Variants in MTF1 observed in about 807,000 individuals in gnomAD.
The protein encoded by MTF1 is metal regulatory transcription factor 1.
A neutral mutation model predicts 70.4 loss-of-function variants in MTF1; 22 were observed. That is an observed-to-expected ratio of 0.31 (90% CI 0.22 to 0.45). The LOEUF (loss-of-function observed/expected upper bound fraction) is 0.45, where lower values mean the gene tolerates loss of function less well. Among genes scored for constraint, MTF1 ranks in the 20% least tolerant of loss-of-function variants. The pLI, the probability that MTF1 is intolerant of heterozygous loss-of-function variation, is 1.00. For missense variants in MTF1, 649 were observed against 922.0 expected, an observed-to-expected ratio of 0.70 and a Z score of 3.83; for synonymous variants, 333 against 352.8, an observed-to-expected ratio of 0.94 and a Z score of 0.63.
chr1:37,849,626 C>G lies in MTF1; in HGVS notation c.408+7625G>C, dbSNP rs142844767. Among the ~76,000 whole-genome samples, 248 of 152,204 alleles carry G rather than the reference C, an allele frequency of 1.6e-3. 2 individuals carry two copies. Among genetic ancestry groups the G allele is most frequent in the African/African-American group, 5.7e-3 (237 of 41,530 alleles). Reference sequence around the variant, plus strand: ...TAGCCATGGAGGATACATCACGTCACCAATGTAGTGCAGACAGAGGTAGAT... The same window carrying G: ...TAGCCATGGAGGATACATCACGTCAGCAATGTAGTGCAGACAGAGGTAGAT... On this transcript the variant is annotated intron_variant, in intron 2 of 10. Transcript: ENST00000373036.
At chr1:37,817,389 T>C (rs202180638) in intron 10 of MTF1, 30 bp downstream of exon 10, 2 of 1,478,536 alleles carry the variant, frequency 1.4e-6, no homozygotes, top group Non-Finnish European at 1.9e-6. Context: ...CAGAGTTGCC[T>C]TCTCTTAAGG....
rs1641236779 is a variant in MTF1 at position 37,840,330 on chromosome 1, A to G, written c.409-172T>C. On this transcript the variant is annotated intron_variant, in intron 2 of 10. Coordinates refer to ENST00000373036, the MANE Select transcript of MTF1 (RefSeq NM_005955.3). This position sits in a 1 kb window ranked among gnomAD's most constrained non-coding sequence, Gnocchi z 4.5. ...GTGGAAAAACCTTATTGTTGATCAA[A>G]TCATACCTGGACAACACATAATGAT... is the stretch of plus-strand genomic sequence containing the variant. 6.6e-6 allele frequency among the ~76,000 whole-genome samples: 1 copy of G among 152,258 alleles called. No homozygotes were observed. The highest frequency in any genetic ancestry group is 2.4e-5 in the African/African-American group (1 of 41,466).
Position 37,840,214 on chromosome 1 carries a change from T to TC in MTF1, c.409-57dup. On this transcript the variant is annotated intron_variant, in intron 2 of 10. Coordinates refer to ENST00000373036, the MANE Select transcript of MTF1 (RefSeq NM_005955.3). The surrounding 1 kb of genome is among the most constrained non-coding windows in gnomAD (Gnocchi z 4.5). ...ACAAAAATGCTGCCCAGGGCTTAAC[T>TC]CCCCCACCCAGAGCTCAGCTCCCAA... The TC allele has an allele frequency of 6.7e-7, 1 of 1,499,982 alleles. No homozygotes were observed. Among genetic ancestry groups the TC allele is most frequent in the Non-Finnish European group, 9.3e-7 (1 of 1,079,886 alleles). The allele number at this position is 1,499,982 out of a possible 1,614,324, so 92.9% of individuals were successfully genotyped here.
At chr1:37,821,969 C>T in intron 9 of MTF1, 152 bp downstream of exon 9, 1 of 653,250 alleles carries the variant, frequency 1.5e-6, no homozygotes, top group Non-Finnish European at 2.6e-6. Flanking sequence ...ACGTTTATAC[C>T]ACTTGATTAT....
intron 2 of MTF1, among the ~76,000 whole-genome samples, chr1:37,849,413 A>G (rs1641380841): frequency 1.3e-5 from 2 of 151,602 alleles, no homozygotes; most frequent in African/African-American, 4.9e-5. Context: ...GCAACAGAGC[A>G]AGCCTTCACC....
chr1:37,840,551 C>T lies in MTF1; in HGVS notation c.409-393G>A. ...CAGAACTACAACTTGATTGGAATTA[C>T]CAATATTAAATTGAGTTTAAAACAT... On this transcript the variant is annotated intron_variant, in intron 2 of 10. Transcript: ENST00000373036. The surrounding 1 kb of genome is among the most constrained non-coding windows in gnomAD (Gnocchi z 4.5). 1 of 452,574 alleles carries T rather than the reference C, an allele frequency of 2.2e-6. No homozygotes were observed. Among genetic ancestry groups the T allele is most frequent in the Non-Finnish European group, 4.4e-6 (1 of 227,740 alleles). 28.0% of individuals were successfully genotyped at this position (452,574 alleles called of 1,614,324 possible).
intron 9 of MTF1, 69 bp from the exon 10 acceptor site, chr1:37,817,551 T>C: frequency 9.7e-7 from 1 of 1,027,566 alleles, no homozygotes; most frequent in Non-Finnish European, 1.5e-6. Flanking sequence ...ACCTGAAGCC[T>C]CACCAACTGT....
chr1:37,823,090 T>C (rs756676224), intron 8 of MTF1, among the ~76,000 whole-genome samples: 1 of 152,146 alleles, frequency 6.6e-6, no homozygotes, highest in Non-Finnish European at 1.5e-5. Flanking sequence ...CAGCTGAAGT[T>C]TGTGGATTTG....
chr1:37,848,955 T>C (rs1269488016), intron 2 of MTF1, among the ~76,000 whole-genome samples: 1 of 152,208 alleles, frequency 6.6e-6, no homozygotes, highest in Non-Finnish European at 1.5e-5. Context: ...AGATTGGAAC[T>C]AGGTCTCCCA....
chr1:37,822,138 G>C lies in MTF1; in HGVS notation c.1750C>G (p.Gln584Glu). 1.2e-6 allele frequency: 2 copies of C among 1,602,416 alleles called. No homozygotes were observed. The highest frequency in any genetic ancestry group is 1.7e-6 in the Non-Finnish European group (2 of 1,172,684). Reference sequence around the variant, plus strand: ...ATACTTACAATTTGTTCTTGGTTTTGTGGAGAACTGGTGGCACCATTTAAT... The same window carrying C: ...ATACTTACAATTTGTTCTTGGTTTTCTGGAGAACTGGTGGCACCATTTAAT... ...WILNGATSSP[Q>E]NQEQIQQASK... The change falls in exon 9 of 11, where the codon CAA (glutamine) becomes GAA (glutamate). Residue 584 changes from glutamine to glutamate, a missense_variant. By Grantham distance (29) the Gln-to-Glu change is conservative (BLOSUM62 2). This residue lies in a region of MTF1 where 39 missense variants were observed against 97.8 expected (regional missense o/e 0.40). Transcript: ENST00000373036.
At position 37,857,398 on chromosome 1, in the gene MTF1, T is replaced by C. The variant is rs145100056; in HGVS notation, c.261A>G (p.Glu87=). Residue 87 remains glutamate (E), a synonymous_variant, in exon 2 of 11, where the codon GAA becomes GAG. Coordinates refer to ENST00000373036, the MANE Select transcript of MTF1 (RefSeq NM_005955.3). ...GCTGCACATAACCCTGGGACATTGCTTCATGATCTATCAGGTGAAAGCCCT... is the reference window on the plus strand; with the variant it reads ...GCTGCACATAACCCTGGGACATTGCCTCATGATCTATCAGGTGAAAGCCCT... ...GEEGFHLIDH[E]AMSQGYVQHI... is the part of the protein sequence containing the mutation. 110 of 1,614,090 alleles carry C rather than the reference T, an allele frequency of 6.8e-5. No homozygotes were observed. Among genetic ancestry groups the C allele is most frequent in the Non-Finnish European group, 9.0e-5 (106 of 1,180,054 alleles).
At chr1:37,818,383 G>A (rs1640852457) in intron 9 of MTF1, among the ~76,000 whole-genome samples, 1 of 152,170 alleles carries the variant, frequency 6.6e-6, no homozygotes, top group South Asian at 2.1e-4. Context: ...TTCAAGGCCA[G>A]CCCAGCCTGG....
At chr1:37,830,350 G>C (rs771721779) in intron 7 of MTF1, among the ~76,000 whole-genome samples, 11 of 152,090 alleles carry the variant, frequency 7.2e-5, no homozygotes, top group Non-Finnish European at 1.3e-4. Context: ...GCCCCATCCA[G>C]TGAATTATTT....
Position 37,840,255 on chromosome 1 carries a change from A to C in MTF1, c.409-97T>G. On this transcript the variant is annotated intron_variant, in intron 2 of 10. Transcript: ENST00000373036. The surrounding 1 kb of genome is among the most constrained non-coding windows in gnomAD (Gnocchi z 4.5). ...CAGCTCCCAAGAGATGCTGTGGACAATACAACTGGGTTTTCATCATAAACA... is the reference window on the plus strand; with the variant it reads ...CAGCTCCCAAGAGATGCTGTGGACACTACAACTGGGTTTTCATCATAAACA... 9.1e-7 allele frequency: 1 copy of C among 1,094,238 alleles called. No individual in the cohort carries two copies. The highest frequency in any genetic ancestry group is 2.0e-5 in the Admixed American group (1 of 49,202). 67.8% of individuals were successfully genotyped at this position (1,094,238 alleles called of 1,614,324 possible).
intron 2 of MTF1, among the ~76,000 whole-genome samples, chr1:37,842,616 A>G (rs1317311300): frequency 6.6e-6 from 1 of 152,156 alleles, no homozygotes; most frequent in East Asian, 1.9e-4. Context: ...GGGATTCCCA[A>G]TTTTGTCTCT....
intron 2 of MTF1, among the ~76,000 whole-genome samples, chr1:37,844,026 G>C (rs149078955): frequency 3.0e-4 from 45 of 152,304 alleles, no homozygotes; most frequent in Middle Eastern, 3.4e-3. Flanking sequence ...ACTAATCCAG[G>C]CATTCTTCTC....
At chr1:37,820,911 G>A (rs1640899580) in intron 9 of MTF1, among the ~76,000 whole-genome samples, 11 of 152,212 alleles carry the variant, frequency 7.2e-5, no homozygotes, top group Admixed American at 7.2e-4. Flanking sequence ...GGGCATGATG[G>A]CTCACGCCTA....
intron 2 of MTF1, among the ~76,000 whole-genome samples, chr1:37,842,058 A>T (rs576923900): frequency 1.3e-5 from 2 of 152,230 alleles, no homozygotes; most frequent in Non-Finnish European, 2.9e-5. Context: ...GGGGGAAAAA[A>T]AACTAGATAA....
In MTF1 at chr1:37,840,073, C is replaced by A; in HGVS notation, c.494G>T (p.Arg165Leu). Residue 165 changes from arginine (R) to leucine (L), a missense_variant, in exon 3 of 11, where the codon CGA becomes CTA. Around this residue, in one of 7 missense-constraint regions of MTF1, gnomAD observed 118 missense variants for 287.2 expected, o/e 0.41. Coordinates refer to ENST00000373036, the MANE Select transcript of MTF1 (RefSeq NM_005955.3). The surrounding 1 kb of genome is among the most constrained non-coding windows in gnomAD (Gnocchi z 4.5). Reference protein sequence around the residue: ...GNLRTHQKTHRGEYTFVCNQE... With the variant: ...GNLRTHQKTHLGEYTFVCNQE... ...ATTACAGACAAAGGTGTACTCTCCT[C>A]GGTGAGTCTTCTGGTGGGTTCGCAG... The A allele has an allele frequency of 1.9e-6, 3 of 1,614,230 alleles. No homozygotes were observed. Among genetic ancestry groups the A allele is most frequent in the Non-Finnish European group, 2.5e-6 (3 of 1,180,046 alleles).
Sources: allele counts gnomAD v4.1 joint callset (sites outside exome capture counted in the v4.1 genomes callset), GRCh38; gene constraint gnomAD v4.1.1; regional missense constraint gnomAD v4.1.1; non-coding constraint Gnocchi (gnomAD v3.1); transcripts MANE v1.5; gene names NCBI Gene and HGNC (gene_info 2026-07-23, HGNC 2026-07-21).